FUT9: variants seen among roughly 807,000 people sequenced by gnomAD.
The protein encoded by FUT9 is fucosyltransferase 9.
Under a neutral mutation model 29.7 loss-of-function variants are expected in FUT9, and 15 were observed. The observed-to-expected ratio is 0.51, with a 90% CI of 0.34 to 0.78. The LOEUF is 0.78. Ranked by LOEUF, FUT9 falls within the 30% of genes least tolerant of loss-of-function variation. The pLI, the probability that FUT9 is intolerant of heterozygous loss-of-function variation, is 0.01. For synonymous variants in FUT9, 169 were observed against 153.7 expected (o/e 1.10, Z -0.74); for missense variants, 319 against 425.4 (o/e 0.75, Z 2.20).
chr6:96,107,874 A>C (rs2127959386), intron 1 of FUT9, among the ~76,000 whole-genome samples: 1 of 152,330 alleles, frequency 6.6e-6, no homozygotes, highest in South Asian at 2.1e-4. Context: ...AAGTGAGCTA[A>C]GTGAGAGAGA....
At chr6:96,054,616 C>T (rs1680799302) in intron 1 of FUT9, among the ~76,000 whole-genome samples, 1 of 152,064 alleles carries the variant, frequency 6.6e-6, no homozygotes, top group Non-Finnish European at 1.5e-5. Flanking sequence ...TATCATAATG[C>T]AATGTAGCAG....
chr6:96,117,926 C>T (rs1338810259), intron 2 of FUT9, among the ~76,000 whole-genome samples: 1 of 152,062 alleles, frequency 6.6e-6, no homozygotes, highest in Non-Finnish European at 1.5e-5. Context: ...CATCTAGAGG[C>T]CAGGCATGGT....
intron 1 of FUT9, among the ~76,000 whole-genome samples, chr6:96,086,671 C>G (rs1193389030): frequency 6.6e-6 from 1 of 151,980 alleles, no homozygotes; most frequent in Non-Finnish European, 1.5e-5. Flanking sequence ...AAATAGGAAC[C>G]CAAGTTTATT....
chr6:96,019,641 A>G (rs1770035525), intron 1 of FUT9, among the ~76,000 whole-genome samples: 2 of 152,110 alleles, frequency 1.3e-5, no homozygotes, highest in South Asian at 4.1e-4. Context: ...TGATACTCTC[A>G]TAAACTCTAA....
At position 96,204,380 on chromosome 6, in the gene FUT9, G is replaced by T; in HGVS notation, c.*145G>T. 1.9e-6 allele frequency: 1 copy of T among 523,914 alleles called. No homozygotes were observed. Among genetic ancestry groups the T allele is most frequent in the African/African-American group, 2.0e-5 (1 of 50,846 alleles). The allele number at this position is 523,914 out of a possible 1,614,324, so 32.5% of individuals were successfully genotyped here. On this transcript the variant is annotated 3_prime_UTR_variant, in exon 3 of 3. Coordinates refer to ENST00000302103, the MANE Select transcript of FUT9 (RefSeq NM_006581.4). ...AGGGTAACGTGTATATTTTGGTGGA[G>T]ATTTTTAAAAGCTCAGCATGAGCAA...
intron 1 of FUT9, among the ~76,000 whole-genome samples, chr6:96,100,233 ACACACACACACACAC>A (rs1771564940): frequency 3.8e-3 from 2 of 524 alleles, no homozygotes; most frequent in African/African-American, 6.6e-3. Flanking sequence ...ACACACCAAC[ACACACACACACACAC>A]ACACACACAC....
intron 1 of FUT9, among the ~76,000 whole-genome samples, chr6:96,068,435 T>G (rs980224864): frequency 6.6e-6 from 1 of 152,140 alleles, no homozygotes; most frequent in Non-Finnish European, 1.5e-5. Context: ...TGAAGAAAAC[T>G]GCATTGTCAA....
At chr6:96,157,609 A>G (rs78956122) in intron 2 of FUT9, among the ~76,000 whole-genome samples, 2,131 of 152,280 alleles carry the variant, frequency 0.014, 56 homozygotes, top group African/African-American at 0.048. Context: ...AGCAAAAGCA[A>G]TGTAGGAAAA....
At chr6:96,098,835 T>G (rs1771542484) in intron 1 of FUT9, among the ~76,000 whole-genome samples, 1 of 152,176 alleles carries the variant, frequency 6.6e-6, no homozygotes. Context: ...AAATGTGCTG[T>G]TGAAATCCAG....
In FUT9 at chr6:96,083,101, T is replaced by C. The variant is rs1339334841; in HGVS notation, c.-97-30938T>C. 2.6e-5 allele frequency among the ~76,000 whole-genome samples: 4 copies of C among 152,142 alleles called. 1 individual carries two copies. Among genetic ancestry groups the C allele is most frequent in the African/African-American group, 9.6e-5 (4 of 41,552 alleles). ...CTGAACATTTTATATTTCCTTATTC[T>C]TTGATGTGTTTGTGACCTATCCTTT... On this transcript the variant is annotated intron_variant, in intron 1 of 2. Coordinates refer to ENST00000302103, the MANE Select transcript of FUT9 (RefSeq NM_006581.4).
intron 2 of FUT9, among the ~76,000 whole-genome samples, chr6:96,172,934 T>A (rs971757885): frequency 6.6e-5 from 10 of 152,046 alleles, no homozygotes; most frequent in Non-Finnish European, 1.3e-4. Flanking sequence ...ATTGAAAAAA[T>A]TTTAAAAACA....
At chr6:96,098,444 C>T (rs1419249438) in intron 1 of FUT9, among the ~76,000 whole-genome samples, 1 of 152,124 alleles carries the variant, frequency 6.6e-6, no homozygotes, top group Admixed American at 6.6e-5. Context: ...ATTCTTTTCA[C>T]CTAAAAGACT....
intron 2 of FUT9, among the ~76,000 whole-genome samples, chr6:96,163,787 T>C (rs1772958143): frequency 6.6e-6 from 1 of 152,222 alleles, no homozygotes; most frequent in Non-Finnish European, 1.5e-5. Context: ...GCCTCTTAAG[T>C]AGCTAGGATT....
chr6:96,214,439 G>A lies in FUT9; in HGVS notation c.*10204G>A, dbSNP rs1167900323. 1 of 166,938 alleles carries A rather than the reference G, an allele frequency of 6.0e-6. No individual in the cohort carries two copies. Among genetic ancestry groups the A allele is most frequent in the Non-Finnish European group, 1.5e-5 (1 of 68,040 alleles). 10.3% of individuals were successfully genotyped at this position (166,938 alleles called of 1,614,324 possible). On this transcript the variant is annotated 3_prime_UTR_variant, in exon 3 of 3. Transcript: ENST00000302103. ...AGTGTAATCACTAGGGGAAGAAAAAGTAGGCCTACCCTTTTACTTATTAAC... is the reference window on the plus strand; with the variant it reads ...AGTGTAATCACTAGGGGAAGAAAAAATAGGCCTACCCTTTTACTTATTAAC...
At chr6:96,165,337 A>G (rs1395627928) in intron 2 of FUT9, among the ~76,000 whole-genome samples, 2 of 151,820 alleles carry the variant, frequency 1.3e-5, no homozygotes. Flanking sequence ...AGGCTGAGGC[A>G]GGGGAATTGC....
At chr6:96,058,179 G>A (rs570377670) in intron 1 of FUT9, among the ~76,000 whole-genome samples, 20 of 152,098 alleles carry the variant, frequency 1.3e-4, no homozygotes, top group Middle Eastern at 3.4e-3. Context: ...TGCTACTCCC[G>A]TTTGTCAGTA....
At chr6:96,021,875 T>C (rs1275152006) in intron 1 of FUT9, among the ~76,000 whole-genome samples, 1 of 152,054 alleles carries the variant, frequency 6.6e-6, no homozygotes, top group African/African-American at 2.4e-5. Context: ...GTACCTGAAT[T>C]ATACTATAGT....
chr6:96,139,439 A>G (rs181663428), intron 2 of FUT9, among the ~76,000 whole-genome samples: 1 of 152,034 alleles, frequency 6.6e-6, no homozygotes, highest in Non-Finnish European at 1.5e-5. Flanking sequence ...AGCTGTTTGT[A>G]TATCTATTAT....
intron 2 of FUT9, among the ~76,000 whole-genome samples, chr6:96,115,590 T>G (rs569401580): frequency 9.5e-4 from 145 of 152,326 alleles, no homozygotes; most frequent in Non-Finnish European, 1.7e-3. Context: ...GTATTTCAAG[T>G]GCTCAGCTGT....
Sources: gnomAD v4.1 joint callset for allele counts (sites outside exome capture counted in the v4.1 genomes callset) on GRCh38, gnomAD v4.1.1 for gene constraint, MANE v1.5 for transcripts, NCBI Gene and HGNC (gene_info 2026-07-23, HGNC 2026-07-21) for gene names.